Variants in PLA2G6 observed in about 807,000 individuals in gnomAD.
PLA2G6 encodes 85/88 kDa calcium-independent phospholipase A2.
In PLA2G6, 62 loss-of-function variants were observed where a neutral mutation model predicts 83.8. That is an observed-to-expected ratio of 0.74 (90% CI 0.60 to 0.91). The LOEUF is 0.91. Ranked by LOEUF, PLA2G6 falls within the 40% of genes least tolerant of loss-of-function variation. The pLI is 0.00. For missense variants in PLA2G6, 944 were observed against 1,102.0 expected (o/e 0.86, Z 2.03); for synonymous variants, 417 against 449.8 (o/e 0.93, Z 0.92).
At chr22:38,145,762 A>G (rs2145831754) in intron 2 of PLA2G6, 109 bp from the exon 3 acceptor site, 1 of 648,454 alleles carries the variant, frequency 1.5e-6, no homozygotes, top group South Asian at 1.5e-5. Flanking sequence ...GGCCAGCTCC[A>G]GCCCGACTCC....
chr22:38,171,694 A>G (rs2090444508), intron 1 of PLA2G6, among the ~76,000 whole-genome samples: 1 of 151,656 alleles, frequency 6.6e-6, no homozygotes, highest in Non-Finnish European at 1.5e-5. Flanking sequence ...GGTGGTGGGC[A>G]CCTATAATCC....
chr22:38,140,422 C>T (rs1602163007), intron 4 of PLA2G6: 6 of 451,872 alleles, frequency 1.3e-5, no homozygotes, highest in Non-Finnish European at 2.5e-5. Flanking sequence ...GAAAGAGAAT[C>T]GCTTGAACCC....
In PLA2G6 at chr22:38,132,601, G is replaced by A. The variant is rs1016029019; in HGVS notation, c.1077+230C>T. On this transcript the variant is annotated intron_variant, in intron 7 of 16. Coordinates refer to ENST00000332509, the MANE Select transcript of PLA2G6 (RefSeq NM_003560.4). The surrounding 1 kb of genome is among the most constrained non-coding windows in gnomAD (Gnocchi z 5.0). ...ATGCAAGTGCCAAATGGGGGCACAG[G>A]TGGAAAAGGTACCACAGCACACAGG... 1.0e-5 allele frequency: 6 copies of A among 586,986 alleles called. No individual in the cohort carries two copies. Among genetic ancestry groups the A allele is most frequent in the South Asian group, 2.0e-5 (1 of 49,228 alleles). 36.4% of individuals were successfully genotyped at this position (586,986 alleles called of 1,614,324 possible).
chr22:38,170,437 G>T (rs375999470), intron 1 of PLA2G6, among the ~76,000 whole-genome samples: 2 of 151,962 alleles, frequency 1.3e-5, no homozygotes, highest in East Asian at 3.9e-4. Flanking sequence ...CTTCTGCAGG[G>T]GCAGGTGGGG....
chr22:38,167,159 C>T (rs1473021502), intron 2 of PLA2G6, among the ~76,000 whole-genome samples: 4 of 144,898 alleles, frequency 2.8e-5, no homozygotes, highest in African/African-American at 1.0e-4. Context: ...ACCTGGGAGG[C>T]GGAGCTTGCA....
At chr22:38,158,608 T>C (rs546238207) in intron 2 of PLA2G6, among the ~76,000 whole-genome samples, 105 of 152,378 alleles carry the variant, frequency 6.9e-4, no homozygotes, top group Admixed American at 1.1e-3. Flanking sequence ...TTAATTGCAC[T>C]GTAGTTGGAG....
At chr22:38,125,489 T>G in intron 10 of PLA2G6, 1 of 326,484 alleles carries the variant, frequency 3.1e-6, no homozygotes, top group South Asian at 2.4e-5. Context: ...GCCCTGGGAG[T>G]GGAGCTGCCT....
At chr22:38,120,569 G>C (rs117120372) in intron 12 of PLA2G6, among the ~76,000 whole-genome samples, 190 bp downstream of exon 12, 1 of 152,298 alleles carries the variant, frequency 6.6e-6, no homozygotes, top group East Asian at 1.9e-4. Context: ...CCTGCGCTCA[G>C]CAGGTGTCTG....
At chr22:38,133,490 G>T (rs764810275) in intron 6 of PLA2G6, 12 of 190,602 alleles carry the variant, frequency 6.3e-5, no homozygotes, top group Non-Finnish European at 1.2e-4. Flanking sequence ...AGCTGCCTGC[G>T]CTTGGATGGG....
At chr22:38,149,525 ACTAT>A (rs1168412608) in intron 2 of PLA2G6, 1 of 152,230 alleles carries the variant, frequency 6.6e-6, no homozygotes, top group Admixed American at 6.5e-5. Flanking sequence ...AGAGACACAG[ACTAT>A]CTAATAAAAG....
intron 3 of PLA2G6, chr22:38,143,500 C>A: frequency 1.5e-6 from 1 of 645,642 alleles, no homozygotes; most frequent in Admixed American, 2.1e-5. Flanking sequence ...AGTTTGCTCA[C>A]TCGTACAAGA....
At chr22:38,120,065 A>G (rs996076137) in intron 12 of PLA2G6, among the ~76,000 whole-genome samples, 2 of 152,174 alleles carry the variant, frequency 1.3e-5, no homozygotes, top group Non-Finnish European at 2.9e-5. Flanking sequence ...GGGGACACTC[A>G]CTTTCAAAAT....
At chr22:38,173,378 GAC>G (rs2090510596) in intron 1 of PLA2G6, among the ~76,000 whole-genome samples, 2 of 151,858 alleles carry the variant, frequency 1.3e-5, no homozygotes, top group African/African-American at 4.8e-5. Flanking sequence ...ACCTGACACA[GAC>G]CGCACCTCGG....
At chr22:38,174,784 T>G (rs4381) in intron 1 of PLA2G6, among the ~76,000 whole-genome samples, 1 of 151,774 alleles carries the variant, frequency 6.6e-6, no homozygotes, top group African/African-American at 2.4e-5. Context: ...GGGAAGGTGC[T>G]GAGAGGAGGG....
intron 12 of PLA2G6, among the ~76,000 whole-genome samples, chr22:38,117,431 A>C (rs990445213): frequency 2.6e-5 from 4 of 151,990 alleles, no homozygotes; most frequent in African/African-American, 9.7e-5. Context: ...TCCTGACCTC[A>C]TGATCCGCCC....
chr22:38,116,025 A>G (rs758965750), intron 13 of PLA2G6, 50 bp downstream of exon 13: 5 of 1,606,200 alleles, frequency 3.1e-6, no homozygotes, highest in Non-Finnish European at 4.3e-6. Flanking sequence ...ACCACCCCAC[A>G]GCCTCTCGGG....
intron 12 of PLA2G6, among the ~76,000 whole-genome samples, chr22:38,118,622 C>T (rs2087343777): frequency 6.6e-6 from 1 of 152,114 alleles, no homozygotes; most frequent in Non-Finnish European, 1.5e-5. Context: ...TTCTCCCACT[C>T]TGTGGCTTGT....
At chr22:38,125,457 A>G (rs2145733245) in intron 10 of PLA2G6, among the ~76,000 whole-genome samples, 1 of 152,186 alleles carries the variant, frequency 6.6e-6, no homozygotes, top group East Asian at 1.9e-4. Context: ...GAGGACCCAC[A>G]GAGCTGCACG....
intron 12 of PLA2G6, among the ~76,000 whole-genome samples, chr22:38,119,942 C>A (rs1054569700): frequency 6.6e-6 from 1 of 151,878 alleles, no homozygotes; most frequent in Non-Finnish European, 1.5e-5. Context: ...AAACAAAAAC[C>A]TAGAAACACC....
Sources: gnomAD v4.1 joint callset for allele counts (sites outside exome capture counted in the v4.1 genomes callset) on GRCh38, gnomAD v4.1.1 for gene constraint, Gnocchi (gnomAD v3.1) non-coding constraint, MANE v1.5 for transcripts, NCBI Gene and HGNC (gene_info 2026-07-23, HGNC 2026-07-21) for gene names.